Variants in UBAC2 observed in about 807,000 individuals in gnomAD.
UBAC2 encodes UBA domain containing 2, also known as ubiquitin-associated domain-containing protein 2.
Under a neutral mutation model 44.0 loss-of-function variants are expected in UBAC2, and 26 were observed. The ratio of observed to expected loss-of-function variants is 0.59; its 90% CI spans 0.43 to 0.82. The LOEUF (loss-of-function observed/expected upper bound fraction) is 0.82, where lower values mean the gene tolerates loss of function less well. Among genes scored for constraint, UBAC2 ranks in the 40% least tolerant of loss-of-function variants. The pLI, the probability that UBAC2 is intolerant of heterozygous loss-of-function variation, is 0.00. For synonymous variants in UBAC2, 155 were observed against 154.3 expected (o/e 1.00, Z -0.04); for missense variants, 329 against 419.4 (o/e 0.78, Z 1.88).
intron 1 of UBAC2, among the ~76,000 whole-genome samples, chr13:99,223,542 GTT>G (rs145143990): frequency 0.086 from 5,369 of 62,326 alleles, 173 homozygotes; most frequent in African/African-American, 0.17. Context: ...CTCTTTTTCT[GTT>G]TTTTTTTTTT....
At chr13:99,377,414 T>A (rs1392200597) in intron 8 of UBAC2, 1 of 152,190 alleles carries the variant, frequency 6.6e-6, no homozygotes, top group East Asian at 1.9e-4. Flanking sequence ...GTGCTCATGG[T>A]GAGTTCTGAT....
chr13:99,343,962 A>G (rs2044933270), intron 7 of UBAC2, among the ~76,000 whole-genome samples: 1 of 152,234 alleles, frequency 6.6e-6, no homozygotes, highest in Non-Finnish European at 1.5e-5. Context: ...TGGTAGGCCT[A>G]GAGCTGGACA....
At chr13:99,288,360 A>G (rs1233609413) in intron 4 of UBAC2, among the ~76,000 whole-genome samples, 1 of 152,258 alleles carries the variant, frequency 6.6e-6, no homozygotes, top group Admixed American at 6.5e-5. Flanking sequence ...TTGAGTGGAC[A>G]GGATGTCTAA....
chr13:99,202,502 A>T (rs900032313), intron 1 of UBAC2, among the ~76,000 whole-genome samples: 19 of 152,360 alleles, frequency 1.2e-4, no homozygotes, highest in Non-Finnish European at 2.2e-4. Flanking sequence ...CTTGCTGGCC[A>T]AAGTACATAT....
chr13:99,255,907 C>A (rs763857769), intron 4 of UBAC2: 65 of 1,491,532 alleles, frequency 4.4e-5, no homozygotes, highest in Non-Finnish European at 5.7e-5. Context: ...TACTTAGAAA[C>A]TGTAAAAATA....
chr13:99,296,250 G>T, intron 4 of UBAC2: 2 of 1,109,802 alleles, frequency 1.8e-6, no homozygotes, highest in Non-Finnish European at 2.5e-6. Context: ...TTTAAATAAT[G>T]TATCAAAGCA....
intron 6 of UBAC2, among the ~76,000 whole-genome samples, chr13:99,331,666 G>A (rs1309061319): frequency 6.6e-6 from 1 of 152,202 alleles, no homozygotes; most frequent in Non-Finnish European, 1.5e-5. Context: ...TGTCTGTCAT[G>A]AAAAGAATAA....
chr13:99,364,310 TG>T (rs1420456631), intron 7 of UBAC2, among the ~76,000 whole-genome samples: 1 of 150,842 alleles, frequency 6.6e-6, no homozygotes, highest in African/African-American at 2.4e-5. Flanking sequence ...GTGTGGATTA[TG>T]TTGCTAGTTT....
intron 4 of UBAC2, chr13:99,255,142 C>T: frequency 6.2e-7 from 1 of 1,614,132 alleles, no homozygotes; most frequent in Non-Finnish European, 8.5e-7. Flanking sequence ...GGGCATAAAG[C>T]AGACGAGCAC....
At chr13:99,357,340 A>T (rs142451597) in intron 7 of UBAC2, among the ~76,000 whole-genome samples, 1 of 152,200 alleles carries the variant, frequency 6.6e-6, no homozygotes, top group Non-Finnish European at 1.5e-5. Flanking sequence ...GCGACACGTG[A>T]CTACAGTTTT....
intron 7 of UBAC2, among the ~76,000 whole-genome samples, chr13:99,349,581 C>T (rs936386198): frequency 2.0e-5 from 3 of 152,170 alleles, no homozygotes; most frequent in African/African-American, 7.2e-5. Flanking sequence ...CAAGGTGAAG[C>T]AAGTCACGTA....
At chr13:99,225,851 T>C (rs931201655) in intron 1 of UBAC2, among the ~76,000 whole-genome samples, 1 of 152,246 alleles carries the variant, frequency 6.6e-6, no homozygotes, top group Non-Finnish European at 1.5e-5. Flanking sequence ...ACGTGCCTTG[T>C]AATTGATGAC....
chr13:99,329,438 T>A lies in UBAC2; in HGVS notation c.562-10882T>A, dbSNP rs117339283. 9.6e-3 allele frequency among the ~76,000 whole-genome samples: 1,458 copies of A among 152,346 alleles called. 9 individuals carry two copies. The highest frequency in any genetic ancestry group is 0.014 in the Middle Eastern group (4 of 294). On this transcript the variant is annotated intron_variant, in intron 6 of 8. Coordinates refer to ENST00000403766, the MANE Select transcript of UBAC2 (RefSeq NM_001144072.2). ...ATGTTTCCACAGATTCTTTTACACA[T>A]CAAGAGGTGGAGCTTATTTTTCCTC...
intron 1 of UBAC2, chr13:99,215,569 C>A: frequency 7.2e-7 from 1 of 1,391,414 alleles, no homozygotes. Context: ...AGTCCCTCTG[C>A]GGTGAGGTAC....
rs75435514 is a variant in UBAC2, at chr13:99,299,639, T to G, written c.390-14458T>G. On this transcript the variant is annotated intron_variant, in intron 4 of 8. Coordinates refer to ENST00000403766, the MANE Select transcript of UBAC2 (RefSeq NM_001144072.2). Reference sequence around the variant, plus strand: ...AAAAAAAATTTTAATGGGAAAAAATTTTAGTTCCCCTTTTCTTGTAAAAAC... The same window carrying G: ...AAAAAAAATTTTAATGGGAAAAAATGTTAGTTCCCCTTTTCTTGTAAAAAC... Among the ~76,000 whole-genome samples, 442 of 152,270 alleles carry G rather than the reference T, an allele frequency of 2.9e-3. 2 individuals are homozygous for G. The highest frequency in any genetic ancestry group is 0.01 in the African/African-American group (429 of 41,532).
At chr13:99,226,738 T>G (rs1341971293) in intron 1 of UBAC2, among the ~76,000 whole-genome samples, 1 of 152,190 alleles carries the variant, frequency 6.6e-6, no homozygotes, top group Non-Finnish European at 1.5e-5. Flanking sequence ...GTTGGCAGCC[T>G]TATCATCTCT....
chr13:99,323,499 G>A (rs2044597116), intron 6 of UBAC2, among the ~76,000 whole-genome samples: 1 of 152,174 alleles, frequency 6.6e-6, no homozygotes, highest in Admixed American at 6.5e-5. Flanking sequence ...AGGGTGATGG[G>A]ACTTGTGAAA....
At chr13:99,333,494 C>T (rs1180934679) in intron 6 of UBAC2, among the ~76,000 whole-genome samples, 1 of 152,204 alleles carries the variant, frequency 6.6e-6, no homozygotes, top group Non-Finnish European at 1.5e-5. Flanking sequence ...ATTCACCATT[C>T]ACCCAGGAAA....
intron 6 of UBAC2, among the ~76,000 whole-genome samples, chr13:99,335,965 G>A (rs1040230537): frequency 1.3e-5 from 2 of 151,144 alleles, no homozygotes; most frequent in East Asian, 1.9e-4. Context: ...GACCTGCCTG[G>A]CAACATGGCA....
Sources: allele counts gnomAD v4.1 joint callset (sites outside exome capture counted in the v4.1 genomes callset), GRCh38; gene constraint gnomAD v4.1.1; transcripts MANE v1.5; gene names NCBI Gene and HGNC (gene_info 2026-07-23, HGNC 2026-07-21).